Variants in GRIK2 observed in about 807,000 individuals in gnomAD.
GRIK2 encodes glutamate receptor ionotropic, kainate 2.
Under a neutral mutation model 100.3 loss-of-function variants are expected in GRIK2, and 32 were observed. That is an observed-to-expected ratio of 0.32 (90% CI 0.24 to 0.43). The LOEUF (loss-of-function observed/expected upper bound fraction) is 0.43. GRIK2 is among the 20% of genes least tolerant of loss of function. The probability of loss-of-function intolerance (pLI) is 1.00; values close to 1 mark genes in which losing one functional copy is unlikely to be tolerated. For missense variants in GRIK2, 843 were observed against 1,114.9 expected (o/e 0.76, Z 3.47); for synonymous variants, 417 against 389.4 (o/e 1.07, Z -0.83).
At chr6:101,611,698 G>A (rs943558831) in intron 2 of GRIK2, among the ~76,000 whole-genome samples, 11 of 151,628 alleles carry the variant, frequency 7.3e-5, no homozygotes, top group East Asian at 1.9e-4. Flanking sequence ...ATTTTTCAGC[G>A]TGAAGTGGAG....
At chr6:102,056,155 A>T (rs1163992194) in intron 16 of GRIK2, among the ~76,000 whole-genome samples, 1 of 151,928 alleles carries the variant, frequency 6.6e-6, no homozygotes, top group African/African-American at 2.4e-5. Flanking sequence ...ATTTAATAGT[A>T]TTCTTAATCA....
At chr6:101,727,563 G>A (rs1024129511) in intron 7 of GRIK2, among the ~76,000 whole-genome samples, 10 of 152,168 alleles carry the variant, frequency 6.6e-5, no homozygotes, top group Admixed American at 5.9e-4. Context: ...ATCACTTGTT[G>A]TACATTATCT....
intron 12 of GRIK2, among the ~76,000 whole-genome samples, chr6:101,900,549 G>A (rs758243647): frequency 6.6e-5 from 10 of 152,038 alleles, no homozygotes; most frequent in African/African-American, 1.9e-4. Context: ...GTTGTTTTAG[G>A]TAGTAAACTG....
chr6:101,842,219 C>G (rs1321144668), intron 10 of GRIK2, among the ~76,000 whole-genome samples: 1 of 152,030 alleles, frequency 6.6e-6, no homozygotes, highest in African/African-American at 2.4e-5. Flanking sequence ...AACATTTTCT[C>G]CTTATGGGCC....
At chr6:101,663,843 C>CA (rs1769816040) in intron 4 of GRIK2, among the ~76,000 whole-genome samples, 1 of 152,172 alleles carries the variant, frequency 6.6e-6, no homozygotes, top group African/African-American at 2.4e-5. Context: ...CTGCTTCAGT[C>CA]ACCCACTGAT....
chr6:101,697,195 T>A (rs1772550070), intron 7 of GRIK2, among the ~76,000 whole-genome samples: 1 of 152,048 alleles, frequency 6.6e-6, no homozygotes, highest in Non-Finnish European at 1.5e-5. Context: ...AATTATGAGT[T>A]ATATTATTGC....
intron 9 of GRIK2, among the ~76,000 whole-genome samples, chr6:101,808,202 A>T (rs1312452913): frequency 6.6e-6 from 1 of 152,048 alleles, no homozygotes; most frequent in African/African-American, 2.4e-5. Flanking sequence ...CTTCAAAAGG[A>T]TATCATTTAC....
At chr6:101,763,726 T>C (rs916674836) in intron 7 of GRIK2, among the ~76,000 whole-genome samples, 1 of 152,212 alleles carries the variant, frequency 6.6e-6, no homozygotes, top group African/African-American at 2.4e-5. Flanking sequence ...ATTTAAAATA[T>C]GTTAGATATT....
rs1283230891 is a variant in GRIK2, at chr6:101,928,556, C to A, written c.2009C>A (p.Ser670Tyr). 6.2e-7 allele frequency: 1 copy of A among 1,606,028 alleles called. No individual in the cohort carries two copies. Among genetic ancestry groups the A allele is most frequent in the Non-Finnish European group, 8.5e-7 (1 of 1,172,704 alleles). Residue 670 changes from serine to tyrosine, a missense_variant, in exon 14 of 17, where the codon TCT (serine) becomes TAT (tyrosine). Coordinates refer to ENST00000369134, the MANE Select transcript of GRIK2 (RefSeq NM_021956.5). ...TVERMESPID[S>Y]ADDLAKQTKI... ...GAACGCATGGAATCCCCTATTGACT[C>A]TGCTGATGATTTAGCTAAACAAACC... is the stretch of plus-strand genomic sequence containing the variant.
intron 4 of GRIK2, among the ~76,000 whole-genome samples, chr6:101,670,403 C>T (rs1770345977): frequency 6.6e-6 from 1 of 152,032 alleles, no homozygotes; most frequent in Non-Finnish European, 1.5e-5. Context: ...AAATCTGTTA[C>T]ATTAATGCCA....
rs568704279 is a variant in GRIK2 at position 101,866,202 on chromosome 6, A to G, written c.1524+6709A>G. Reference sequence around the variant, plus strand: ...TTAGTATTTTCCACATCAGTCATAAAATATAAAACTACATTTTCCTCATCC... The same window carrying G: ...TTAGTATTTTCCACATCAGTCATAAGATATAAAACTACATTTTCCTCATCC... On this transcript the variant is annotated intron_variant, in intron 11 of 16. Transcript: ENST00000369134. Among the ~76,000 whole-genome samples, 5 of 152,288 alleles carry G rather than the reference A, an allele frequency of 3.3e-5. No homozygotes were observed. In the South Asian group the frequency reaches 1.0e-3, roughly 32 times the overall value.
intron 14 of GRIK2, among the ~76,000 whole-genome samples, chr6:102,021,211 ATGT>A (rs1178668727): frequency 6.6e-6 from 1 of 151,770 alleles, no homozygotes; most frequent in African/African-American, 2.4e-5. Context: ...ACAGTCTAAG[ATGT>A]TGTTATTACT....
intron 2 of GRIK2, among the ~76,000 whole-genome samples, chr6:101,565,122 A>T (rs1777190857): frequency 6.6e-6 from 1 of 152,096 alleles, no homozygotes; most frequent in South Asian, 2.1e-4. Context: ...AACAGAACAC[A>T]TTCCATTTCG....
At chr6:101,845,292 T>C (rs772972405) in intron 10 of GRIK2, among the ~76,000 whole-genome samples, 42 of 152,184 alleles carry the variant, frequency 2.8e-4, no homozygotes, top group Non-Finnish European at 5.6e-4. Flanking sequence ...TTACAGGTGT[T>C]AGCTACTGTG....
intron 3 of GRIK2, among the ~76,000 whole-genome samples, 174 bp from the exon 4 acceptor site, chr6:101,626,206 G>A (rs1780429102): frequency 6.6e-6 from 1 of 152,116 alleles, no homozygotes; most frequent in Non-Finnish European, 1.5e-5. Context: ...GTAACAAACG[G>A]AAAGTGTTCA....
At chr6:101,614,246 A>C (rs991546090) in intron 2 of GRIK2, among the ~76,000 whole-genome samples, 5 of 151,768 alleles carry the variant, frequency 3.3e-5, no homozygotes, top group Non-Finnish European at 7.4e-5. Context: ...TGCATTAAGA[A>C]CAAAATGAGT....
intron 15 of GRIK2, among the ~76,000 whole-genome samples, chr6:102,041,738 G>A (rs1408873627): frequency 1.3e-5 from 2 of 151,112 alleles, no homozygotes; most frequent in African/African-American, 2.4e-5. Flanking sequence ...AATCAGAATA[G>A]GTAGCATAAA....
Position 101,755,161 on chromosome 6 carries a change from GTTTT to G in GRIK2, c.952-44467_952-44464del, listed in dbSNP as rs1157640683. Among the ~76,000 whole-genome samples, 270 of 102,962 alleles carry G rather than the reference GTTTT, an allele frequency of 2.6e-3. 1 individual carries two copies. The highest frequency in any genetic ancestry group is 0.01 in the African/African-American group (256 of 25,460). 67.5% of individuals were successfully genotyped at this position (102,962 alleles called of 152,430 possible). A position where few individuals can be genotyped will look rare whatever the true frequency, so the allele number is the denominator to read the frequency against. On this transcript the variant is annotated intron_variant, in intron 7 of 16. Coordinates refer to ENST00000369134, the MANE Select transcript of GRIK2 (RefSeq NM_021956.5). ...TCATTTCTTTTCTTTTTTCTTTTTG[GTTTT>G]TTTTTTTTTTTTTTTTTTTGAGACG...
At chr6:101,518,783 C>T (rs1774719620) in intron 2 of GRIK2, among the ~76,000 whole-genome samples, 1 of 152,092 alleles carries the variant, frequency 6.6e-6, no homozygotes, top group Non-Finnish European at 1.5e-5. Flanking sequence ...ATTTTCCAAG[C>T]TTATTTGGTC....
Sources: gnomAD v4.1 joint callset for allele counts (sites outside exome capture counted in the v4.1 genomes callset) on GRCh38, gnomAD v4.1.1 for gene constraint, MANE v1.5 for transcripts, NCBI Gene and HGNC (gene_info 2026-07-23, HGNC 2026-07-21) for gene names.